Variants in PDE3A observed in about 807,000 individuals in gnomAD.
PDE3A encodes cGMP-inhibited 3',5'-cyclic phosphodiesterase 3A.
Under a neutral mutation model 98.3 loss-of-function variants are expected in PDE3A, and 43 were observed. That is an observed-to-expected ratio of 0.44 (90% confidence interval 0.34 to 0.56). The LOEUF (loss-of-function observed/expected upper bound fraction) is 0.56, where lower values mean the gene tolerates loss of function less well. Ranked by LOEUF, PDE3A falls within the 20% of genes least tolerant of loss-of-function variation. PDE3A has a pLI of 0.01. For missense variants in PDE3A, 1,427 were observed against 1,440.7 expected, an observed-to-expected ratio of 0.99 and a Z score of 0.15; for synonymous variants, 663 against 567.9, an observed-to-expected ratio of 1.17 and a Z score of -2.38.
chr12:20,451,462 C>A (rs1945064197), intron 1 of PDE3A, among the ~76,000 whole-genome samples: 1 of 151,960 alleles, frequency 6.6e-6, no homozygotes, highest in African/African-American at 2.4e-5. Flanking sequence ...TTAGTAGAGA[C>A]AGGGTTTTGC....
At chr12:20,490,370 G>C (rs1945807620) in intron 1 of PDE3A, among the ~76,000 whole-genome samples, 1 of 152,182 alleles carries the variant, frequency 6.6e-6, no homozygotes, top group African/African-American at 2.4e-5. Context: ...AGTGTCTAGT[G>C]ATGAGGCAAA....
chr12:20,487,655 G>GAA (rs61676423), intron 1 of PDE3A, among the ~76,000 whole-genome samples: 10 of 118,346 alleles, frequency 8.4e-5, no homozygotes, highest in African/African-American at 2.2e-4. Flanking sequence ...TCAGGCTTAA[G>GAA]AAAAAAAAAT....
intron 1 of PDE3A, among the ~76,000 whole-genome samples, chr12:20,461,005 AG>A (rs1303465022): frequency 1.3e-5 from 2 of 152,288 alleles, no homozygotes; most frequent in African/African-American, 4.8e-5. Flanking sequence ...CTTGAAATGT[AG>A]AGTCCGTATC....
Position 20,685,146 on chromosome 12 carries a change from C to G in PDE3A, c.*4875C>G, listed in dbSNP as rs1945919952. On this transcript the variant is annotated 3_prime_UTR_variant, in exon 16 of 16. Coordinates refer to ENST00000359062, the MANE Select transcript of PDE3A (RefSeq NM_000921.5). ...AACATTTTTGGGCCGGGCGCAGTGG[C>G]TCACGCCTGTAATCCCAGCACTTTG... is the stretch of plus-strand genomic sequence containing the variant. 6.6e-6 allele frequency among the ~76,000 whole-genome samples: 1 copy of G among 152,172 alleles called. No individual in the cohort carries two copies. Among genetic ancestry groups the G allele is most frequent in the African/African-American group, 2.4e-5 (1 of 41,450 alleles).
At chr12:20,482,183 G>C (rs145008902) in intron 1 of PDE3A, among the ~76,000 whole-genome samples, 4 of 151,502 alleles carry the variant, frequency 2.6e-5, no homozygotes, top group African/African-American at 9.7e-5. Flanking sequence ...ATTTAACTAA[G>C]AAATGAAAAG....
intron 1 of PDE3A, among the ~76,000 whole-genome samples, chr12:20,496,898 A>G (rs1471795209): frequency 2.0e-5 from 3 of 152,152 alleles, no homozygotes; most frequent in Non-Finnish European, 4.4e-5. Flanking sequence ...GAAGAGTGTA[A>G]TTTATCTTAC....
At chr12:20,470,070 T>C (rs1945410663) in intron 1 of PDE3A, among the ~76,000 whole-genome samples, 1 of 152,158 alleles carries the variant, frequency 6.6e-6, no homozygotes, top group African/African-American at 2.4e-5. Context: ...TAATCTTTTT[T>C]TTTTCTGTTT....
chr12:20,386,059 T>A (rs1380145938), intron 1 of PDE3A, among the ~76,000 whole-genome samples: 15 of 87,526 alleles, frequency 1.7e-4, no homozygotes, highest in Admixed American at 3.5e-4. Context: ...TAAATATATA[T>A]AAATATATAT....
rs1185602470 is a variant in PDE3A, at chr12:20,686,936, T to A, written c.*6665T>A. ...CCCCTCAGTCTTTAATACAAACCAATTTAGTTACTCTGGAGTGAAATGACT... is the reference window on the plus strand; with the variant it reads ...CCCCTCAGTCTTTAATACAAACCAAATTAGTTACTCTGGAGTGAAATGACT... On this transcript the variant is annotated 3_prime_UTR_variant, in exon 16 of 16. Transcript: ENST00000359062. Among the ~76,000 whole-genome samples, 1 of 152,042 alleles carries A rather than the reference T, an allele frequency of 6.6e-6. No homozygotes were observed. Among genetic ancestry groups the A allele is most frequent in the African/African-American group, 2.4e-5 (1 of 41,422 alleles).
chr12:20,481,763 G>GTTTTTTT (rs1565563069), intron 1 of PDE3A, among the ~76,000 whole-genome samples: 2 of 33,544 alleles, frequency 6.0e-5, no homozygotes, highest in Non-Finnish European at 1.1e-4. Flanking sequence ...TTGGGAAATA[G>GTTTTTTT]ATTTTTTTTT....
intron 1 of PDE3A, among the ~76,000 whole-genome samples, chr12:20,535,678 C>A (rs1941730635): frequency 6.6e-6 from 1 of 152,078 alleles, no homozygotes; most frequent in South Asian, 2.1e-4. Flanking sequence ...ACATATTTTT[C>A]TTCCCTATTA....
intron 1 of PDE3A, among the ~76,000 whole-genome samples, chr12:20,421,375 A>T (rs1014983264): frequency 6.6e-6 from 1 of 152,216 alleles, no homozygotes; most frequent in African/African-American, 2.4e-5. Flanking sequence ...GTTTTTATAC[A>T]TGTCTTTATC....
intron 8 of PDE3A, among the ~76,000 whole-genome samples, chr12:20,636,623 T>C (rs1401031168): frequency 6.6e-6 from 1 of 152,166 alleles, no homozygotes; most frequent in East Asian, 1.9e-4. Flanking sequence ...TAATTAATAA[T>C]AGTAGGAATG....
In PDE3A at chr12:20,650,151, A is replaced by G. The variant is rs186705282; in HGVS notation, c.2770-294A>G. ...TTATCCATTGTGTTACAAACAATCC[A>G]GTTATACTCTTTTAGTTATTTTAAA... On this transcript the variant is annotated intron_variant, in intron 13 of 15. Coordinates refer to ENST00000359062, the MANE Select transcript of PDE3A (RefSeq NM_000921.5). Among the ~76,000 whole-genome samples the G allele has an allele frequency of 7.2e-4, 109 of 152,294 alleles. 1 individual carries two copies. The highest frequency in any genetic ancestry group is 2.3e-3 in the African/African-American group (97 of 41,576).
chr12:20,614,546 A>T (rs1943952456), intron 3 of PDE3A, among the ~76,000 whole-genome samples: 1 of 152,172 alleles, frequency 6.6e-6, no homozygotes, highest in African/African-American at 2.4e-5. Context: ...ATATTTACAT[A>T]GTTTCCTTCC....
At chr12:20,509,982 T>G (rs1946190810) in intron 1 of PDE3A, among the ~76,000 whole-genome samples, 1 of 152,040 alleles carries the variant, frequency 6.6e-6, no homozygotes, top group South Asian at 2.1e-4. Flanking sequence ...ATTTACATTT[T>G]AAATATTAAT....
At chr12:20,553,775 C>T (rs950515408) in intron 1 of PDE3A, among the ~76,000 whole-genome samples, 4 of 152,214 alleles carry the variant, frequency 2.6e-5, no homozygotes, top group Admixed American at 6.5e-5. Context: ...CATGAAGTCA[C>T]GTGCAAGTGC....
chr12:20,388,249 G>T (rs1433388734), intron 1 of PDE3A, among the ~76,000 whole-genome samples: 4 of 151,782 alleles, frequency 2.6e-5, no homozygotes, highest in Non-Finnish European at 5.9e-5. Flanking sequence ...CCTAATTTTT[G>T]TCCCAGATGG....
intron 1 of PDE3A, among the ~76,000 whole-genome samples, chr12:20,512,959 C>T (rs1245902040): frequency 6.6e-5 from 10 of 152,060 alleles, no homozygotes; most frequent in Admixed American, 2.6e-4. Flanking sequence ...ATCCATTCTT[C>T]GTACTCTGGG....
Sources: gnomAD v4.1 joint callset for allele counts (sites outside exome capture counted in the v4.1 genomes callset) on GRCh38, gnomAD v4.1.1 for gene constraint, MANE v1.5 for transcripts, NCBI Gene and HGNC (gene_info 2026-07-23, HGNC 2026-07-21) for gene names.